PYY: variants seen among roughly 807,000 people sequenced by gnomAD.
PYY encodes peptide YY, also known as peptide tyrosine tyrosine.
Under a neutral mutation model 10.3 loss-of-function variants are expected in PYY, and 12 were observed. That is an observed-to-expected ratio of 1.17 (90% CI 0.75 to 1.89). PYY has a LOEUF of 1.89. Ranked by LOEUF, PYY falls within the 40% of genes most tolerant of loss-of-function variation. The pLI, the probability that PYY is intolerant of heterozygous loss-of-function variation, is 0.00. For missense variants in PYY, 141 were observed against 134.0 expected (o/e 1.05, Z -0.26); for synonymous variants, 66 against 62.0 (o/e 1.06, Z -0.30).
chr17:43,962,315 C>T (rs2048717507), intron 2 of PYY, among the ~76,000 whole-genome samples: 1 of 152,084 alleles, frequency 6.6e-6, no homozygotes, highest in Non-Finnish European at 1.5e-5. Flanking sequence ...AGCCATTTTC[C>T]AGCTTTATTG....
At chr17:43,969,838 G>A (rs559542497) in intron 1 of PYY, among the ~76,000 whole-genome samples, 3 of 151,714 alleles carry the variant, frequency 2.0e-5, no homozygotes, top group African/African-American at 7.3e-5. Context: ...CTGCCTCCTG[G>A]GTTCAAGCAA....
chr17:43,967,235 G>A (rs1467814576), intron 1 of PYY, among the ~76,000 whole-genome samples: 3 of 152,126 alleles, frequency 2.0e-5, no homozygotes, highest in Non-Finnish European at 4.4e-5. Context: ...CCTGGGAGGC[G>A]GAGGCTGCAA....
intron 1 of PYY, among the ~76,000 whole-genome samples, chr17:43,990,263 C>A (rs949822283): frequency 6.6e-6 from 1 of 151,516 alleles, no homozygotes; most frequent in African/African-American, 2.4e-5. Context: ...CATGGTGAAA[C>A]CCTGTCTCTA....
intron 1 of PYY, among the ~76,000 whole-genome samples, chr17:43,981,696 G>A (rs2048884774): frequency 1.3e-5 from 2 of 152,030 alleles, no homozygotes; most frequent in African/African-American, 4.8e-5. Context: ...CACCATGTTG[G>A]CCAGGTTGGT....
chr17:43,958,241 T>G (rs1377162830), upstream of PYY, among the ~76,000 whole-genome samples: 2 of 152,054 alleles, frequency 1.3e-5, no homozygotes, highest in African/African-American at 2.4e-5. Flanking sequence ...TCATAAAATT[T>G]TTTTAGTTTA....
At chr17:43,979,624 G>A (rs933136311) in intron 1 of PYY, among the ~76,000 whole-genome samples, 8 of 152,066 alleles carry the variant, frequency 5.3e-5, no homozygotes, top group South Asian at 2.1e-4. Context: ...GCTATGGTGA[G>A]CTATGATGGC....
upstream of PYY, among the ~76,000 whole-genome samples, chr17:43,957,180 A>C (rs139877514): frequency 0.029 from 4,336 of 149,844 alleles, 211 homozygotes; most frequent in African/African-American, 0.1. Context: ...CCTGAGCGAC[A>C]GAGTGAAACT....
intron 1 of PYY, among the ~76,000 whole-genome samples, chr17:43,983,364 C>T (rs1190917352): frequency 6.6e-6 from 1 of 152,212 alleles, no homozygotes; most frequent in Non-Finnish European, 1.5e-5. Context: ...TGCTGGGTGG[C>T]CCTCCAGTGG....
chr17:43,980,165 T>A (rs906476046), intron 1 of PYY, among the ~76,000 whole-genome samples: 12 of 144,746 alleles, frequency 8.3e-5, no homozygotes, highest in Non-Finnish European at 1.8e-4. Context: ...CCTTTTTTTT[T>A]TTTTTTTTTT....
intron 1 of PYY, among the ~76,000 whole-genome samples, chr17:43,992,790 G>T (rs976637809): frequency 6.6e-6 from 1 of 152,178 alleles, no homozygotes; most frequent in African/African-American, 2.4e-5. Context: ...GGAGGCTGAG[G>T]CACGCGAATC....
chr17:43,988,152 A>C (rs1038961176), intron 1 of PYY, among the ~76,000 whole-genome samples: 1 of 152,154 alleles, frequency 6.6e-6, no homozygotes, highest in Non-Finnish European at 1.5e-5. Flanking sequence ...GAATGAAGAC[A>C]TTTCCTCCTG....
At chr17:43,966,597 C>T (rs150418725) in intron 1 of PYY, 18 of 152,368 alleles carry the variant, frequency 1.2e-4, no homozygotes, top group African/African-American at 4.3e-4. Context: ...ACATGGCAGA[C>T]ATCGTTTCGT....
chr17:43,967,208 C>T (rs567128586), intron 1 of PYY, among the ~76,000 whole-genome samples: 294 of 152,238 alleles, frequency 1.9e-3, no homozygotes, highest in Middle Eastern at 3.4e-3. Context: ...GAGGCTGAGG[C>T]AGGAGAATCA....
rs1477854296 is a variant in PYY, at chr17:43,952,989, G to A, written c.270-9C>T. The A allele has an allele frequency of 6.4e-7, 1 of 1,568,954 alleles. No homozygotes were observed. ...GGTCTGGGCCCTCCGACCTGCGGAAGCGAAGGGGAAGGAATTGGATCTGGG... is the reference window on the plus strand; with the variant it reads ...GGTCTGGGCCCTCCGACCTGCGGAAACGAAGGGGAAGGAATTGGATCTGGG... On this transcript the variant is annotated splice_polypyrimidine_tract_variant and intron_variant, in intron 3 of 3. Transcript: ENST00000692052.
At chr17:43,955,153 G>C (rs893163069), upstream of PYY, among the ~76,000 whole-genome samples, 6 of 152,226 alleles carry the variant, frequency 3.9e-5, no homozygotes, top group Non-Finnish European at 8.8e-5. Context: ...AGGCGGAGTA[G>C]GGGAAGGACC....
rs567417776 is a variant in PYY, at chr17:43,987,634, G to A, written c.-463+16757C>T. ...CACATGCCACACCCCTGTGGGGCTG[G>A]CATGAAGAGGCCATTTCTTCCCTTT... is the stretch of plus-strand genomic sequence containing the variant. On this transcript the variant is annotated intron_variant, in intron 1 of 6. Coordinates refer to the PYY transcript ENST00000360085. This position sits in a 1 kb window ranked among gnomAD's most constrained non-coding sequence, Gnocchi z 4.0. Among the ~76,000 whole-genome samples, 24 of 152,328 alleles carry A rather than the reference G, an allele frequency of 1.6e-4. No homozygotes were observed. In the South Asian group the frequency reaches 4.1e-3, roughly 26 times the overall value.
At chr17:43,980,648 A>T (rs2048878503) in intron 1 of PYY, among the ~76,000 whole-genome samples, 1 of 150,710 alleles carries the variant, frequency 6.6e-6, no homozygotes, top group African/African-American at 2.5e-5. Flanking sequence ...TAATTTTTGT[A>T]TTTTTAATAG....
At chr17:43,970,831 T>A (rs998751302) in intron 1 of PYY, among the ~76,000 whole-genome samples, 4 of 152,226 alleles carry the variant, frequency 2.6e-5, no homozygotes, top group African/African-American at 9.7e-5. Context: ...GTATGTGACT[T>A]ATTGAGACAG....
intron 1 of PYY, among the ~76,000 whole-genome samples, chr17:43,981,568 C>A (rs1480294052): frequency 6.6e-6 from 1 of 152,132 alleles, no homozygotes; most frequent in Non-Finnish European, 1.5e-5. Flanking sequence ...CAGCTCACTG[C>A]AACCTCTGCC....
Sources: allele counts gnomAD v4.1 joint callset (sites outside exome capture counted in the v4.1 genomes callset), GRCh38; gene constraint gnomAD v4.1.1; non-coding constraint Gnocchi (gnomAD v3.1); transcripts MANE v1.5; gene names NCBI Gene and HGNC (gene_info 2026-07-23, HGNC 2026-07-21).